The following WDR33 variants were observed in gnomAD, a reference collection of about 807,000 sequenced individuals.
WDR33 encodes the protein pre-mRNA 3' end processing protein WDR33.
WDR33 carries 47 observed loss-of-function variants against 164.9 expected under a neutral mutation model. That is an observed-to-expected ratio of 0.29 (90% confidence interval 0.23 to 0.36). WDR33 has a LOEUF of 0.36. Ranked by LOEUF, WDR33 falls within the 10% of genes least tolerant of loss-of-function variation. The pLI is 1.00. For synonymous variants in WDR33, 505 were observed against 589.0 expected (o/e 0.86, Z 2.06); for missense variants, 1,137 against 1,754.1 (o/e 0.65, Z 6.28).
At chr2:127,782,404 G>A (rs906803871) in intron 1 of WDR33, among the ~76,000 whole-genome samples, 1 of 151,894 alleles carries the variant, frequency 6.6e-6, no homozygotes, top group African/African-American at 2.4e-5. Context: ...CAAATTTGCA[G>A]ATCAATTTTG....
chr2:127,765,076 C>T (rs1206583055), intron 5 of WDR33, 97 bp from the exon 6 acceptor site: 18 of 1,550,344 alleles, frequency 1.2e-5, no homozygotes, highest in Admixed American at 1.8e-5. Flanking sequence ...GGTAATAATT[C>T]GTCCCAATTC....
At position 127,718,249 on chromosome 2, in the gene WDR33, G is replaced by A. The variant is rs1178440338; in HGVS notation, c.2761-986C>T. Among the ~76,000 whole-genome samples, 1 of 152,000 alleles carries A rather than the reference G, an allele frequency of 6.6e-6. No homozygotes were observed. Among genetic ancestry groups the A allele is most frequent in the East Asian group, 1.9e-4 (1 of 5,176 alleles). On this transcript the variant is annotated intron_variant, in intron 16 of 21. Transcript: ENST00000322313. The surrounding 1 kb of genome is among the most constrained non-coding windows in gnomAD (Gnocchi z 4.4). Reference sequence around the variant, plus strand: ...ACATTAGGGATTCGTGGTGGTATTTGAAAAACCAAAACAGACTGTGCTTTC... The same window carrying A: ...ACATTAGGGATTCGTGGTGGTATTTAAAAAACCAAAACAGACTGTGCTTTC...
chr2:127,808,338 T>C (rs1046146926), intron 1 of WDR33, among the ~76,000 whole-genome samples: 12 of 152,208 alleles, frequency 7.9e-5, no homozygotes, highest in African/African-American at 2.9e-4. Context: ...GAGCCTGGCA[T>C]TCAAACCTAG....
At chr2:127,790,039 G>A (rs1390538995) in intron 1 of WDR33, among the ~76,000 whole-genome samples, 3 of 151,998 alleles carry the variant, frequency 2.0e-5, no homozygotes, top group African/African-American at 4.8e-5. Context: ...GTTTCGACAT[G>A]TTGCCCTGGC....
chr2:127,767,037 G>A (rs1239420339), intron 4 of WDR33, among the ~76,000 whole-genome samples: 1 of 152,188 alleles, frequency 6.6e-6, no homozygotes, highest in Non-Finnish European at 1.5e-5. Flanking sequence ...GGGATTACAG[G>A]TGTGAGTGAT....
intron 1 of WDR33, among the ~76,000 whole-genome samples, chr2:127,779,202 T>C (rs928571094): frequency 6.7e-6 from 1 of 150,316 alleles, no homozygotes; most frequent in Non-Finnish European, 1.5e-5. Flanking sequence ...GGGTGGTGGC[T>C]CATGCCTGTA....
intron 1 of WDR33, among the ~76,000 whole-genome samples, chr2:127,788,449 CGGG>C (rs1403204372): frequency 8.2e-6 from 1 of 121,908 alleles, no homozygotes; most frequent in Non-Finnish European, 1.7e-5. Context: ...CCCTCCCGGA[CGGG>C]GCGGCTGGCC....
At chr2:127,778,125 T>A (rs575474773) in intron 1 of WDR33, among the ~76,000 whole-genome samples, 1 of 151,916 alleles carries the variant, frequency 6.6e-6, no homozygotes, top group Non-Finnish European at 1.5e-5. Flanking sequence ...AAGACCCCCA[T>A]CTCTGCAAAA....
At chr2:127,759,208 T>TG (rs1490084267) in intron 7 of WDR33, among the ~76,000 whole-genome samples, 1 of 152,204 alleles carries the variant, frequency 6.6e-6, no homozygotes, top group Non-Finnish European at 1.5e-5. Context: ...TGCTTCTCAA[T>TG]GCTGCAGTAT....
intron 4 of WDR33, among the ~76,000 whole-genome samples, chr2:127,766,626 T>C (rs6736731): frequency 0.038 from 5,813 of 152,268 alleles, 253 homozygotes; most frequent in South Asian, 0.17. Context: ...ATATGGATGC[T>C]CGGATTTTAT....
intron 7 of WDR33, among the ~76,000 whole-genome samples, chr2:127,754,519 A>C (rs1573918975): frequency 6.6e-6 from 1 of 151,504 alleles, no homozygotes; most frequent in African/African-American, 2.4e-5. Context: ...CCTAGACTCG[A>C]GCAATCCTCC....
At chr2:127,803,173 GA>G (rs200928298) in intron 1 of WDR33, among the ~76,000 whole-genome samples, 2,158 of 151,776 alleles carry the variant, frequency 0.014, 25 homozygotes, top group Middle Eastern at 0.085. Flanking sequence ...AAAAGGACTG[GA>G]AAAAAAACTG....
intron 7 of WDR33, among the ~76,000 whole-genome samples, chr2:127,732,107 CAACA>C (rs1014073824): frequency 2.8e-5 from 3 of 106,104 alleles, no homozygotes; most frequent in Admixed American, 9.9e-5. Flanking sequence ...ACAACATATA[CAACA>C]CACACACACA....
In WDR33 at chr2:127,770,794, A is replaced by T; in HGVS notation, c.188T>A (p.Val63Glu). 1 of 1,614,088 alleles carries T rather than the reference A, an allele frequency of 6.2e-7. No individual in the cohort carries two copies. Among genetic ancestry groups the T allele is most frequent in the Non-Finnish European group, 8.5e-7 (1 of 1,179,946 alleles). Reference sequence around the variant, plus strand: ...CAGGCTTACCTCCAAATACTTAATTACAGATGGATTGTAGTCTATGGTTTT... The same window carrying T: ...CAGGCTTACCTCCAAATACTTAATTTCAGATGGATTGTAGTCTATGGTTTT... ...NRKTIDYNPSVIKYLENRIWQ... is the reference protein window; with the variant it reads ...NRKTIDYNPSEIKYLENRIWQ... The change falls in exon 2 of 22, where the codon GTA becomes GAA. Residue 63 changes from valine (V) to glutamate (E), a missense_variant. Physicochemically the swap from Val to Glu is moderately radical, Grantham distance 121. This residue lies in a region of WDR33 where 55 missense variants were observed against 84.6 expected (regional missense o/e 0.65). Coordinates refer to ENST00000322313, the MANE Select transcript of WDR33 (RefSeq NM_018383.5). This position sits in a 1 kb window ranked among gnomAD's most constrained non-coding sequence, Gnocchi z 4.9.
At chr2:127,762,053 C>T (rs896972702) in intron 7 of WDR33, among the ~76,000 whole-genome samples, 1 of 152,108 alleles carries the variant, frequency 6.6e-6, no homozygotes, top group African/African-American at 2.4e-5. Flanking sequence ...AGAAACTTAA[C>T]GATTCAACCA....
intron 21 of WDR33, among the ~76,000 whole-genome samples, chr2:127,707,229 T>TAAAAAAAAAAA (rs200273049): frequency 8.2e-6 from 1 of 122,592 alleles, no homozygotes. Flanking sequence ...AGAATATATT[T>TAAAAAAAAAAA]AAAAAAAAAA....
intron 1 of WDR33, among the ~76,000 whole-genome samples, chr2:127,774,202 C>T (rs987124653): frequency 1.3e-4 from 19 of 151,950 alleles, no homozygotes; most frequent in South Asian, 1.0e-3. Context: ...CAGGCATCTG[C>T]CACCATGCCT....
chr2:127,706,554 T>C lies in WDR33; in HGVS notation c.3782-2A>G. 2.5e-6 allele frequency: 4 copies of C among 1,585,948 alleles called. No individual in the cohort carries two copies. Among genetic ancestry groups the C allele is most frequent in the African/African-American group, 1.4e-5 (1 of 73,148 alleles). On this transcript the variant is annotated splice_acceptor_variant, in intron 21 of 21. Transcript: ENST00000322313. LOFTEE classifies it high-confidence loss of function. The surrounding 1 kb of genome is among the most constrained non-coding windows in gnomAD (Gnocchi z 5.1). ...GAGCAGGTCCTGGGCCCCCTCGGCC[T>C]GAAACAAAGAAAATTTCACATGGGA...
chr2:127,785,348 C>T (rs1319083126), intron 1 of WDR33, among the ~76,000 whole-genome samples: 5 of 152,154 alleles, frequency 3.3e-5, no homozygotes, highest in Non-Finnish European at 1.5e-5. Context: ...AGTACACATA[C>T]GTATGTATTA....
Sources: allele counts gnomAD v4.1 joint callset (sites outside exome capture counted in the v4.1 genomes callset), GRCh38; gene constraint gnomAD v4.1.1; regional missense constraint gnomAD v4.1.1; non-coding constraint Gnocchi (gnomAD v3.1); transcripts MANE v1.5; gene names NCBI Gene and HGNC (gene_info 2026-07-23, HGNC 2026-07-21).